Variants in COLEC12 observed in about 807,000 individuals in gnomAD.
COLEC12 encodes the protein collectin subfamily member 12, also known as collectin-12.
Under a neutral mutation model 71.1 loss-of-function variants are expected in COLEC12, and 33 were observed. The ratio of observed to expected loss-of-function variants is 0.46; its 90% confidence interval spans 0.35 to 0.62. The LOEUF (loss-of-function observed/expected upper bound fraction) is 0.62, where lower values mean the gene tolerates loss of function less well. COLEC12 is among the 20% of genes least tolerant of loss of function. The pLI is 0.00. For missense variants in COLEC12, 765 were observed against 916.1 expected, an observed-to-expected ratio of 0.84 and a Z score of 2.13; for synonymous variants, 350 against 353.0, an observed-to-expected ratio of 0.99 and a Z score of 0.10.
chr18:369,208 T>C (rs941832138), intron 2 of COLEC12, among the ~76,000 whole-genome samples: 2 of 152,074 alleles, frequency 1.3e-5, no homozygotes, highest in African/African-American at 4.8e-5. Context: ...AACTGATCCA[T>C]TGCATTTAAA....
chr18:413,003 G>T (rs998058730), intron 2 of COLEC12, among the ~76,000 whole-genome samples: 8 of 152,178 alleles, frequency 5.3e-5, no homozygotes, highest in African/African-American at 1.7e-4. Flanking sequence ...TAAAGATGGA[G>T]AACAGCATAG....
intron 8 of COLEC12, among the ~76,000 whole-genome samples, chr18:324,859 A>T (rs1184825139): frequency 2.0e-5 from 3 of 151,918 alleles, no homozygotes; most frequent in Admixed American, 2.0e-4. Flanking sequence ...AGAATATAGG[A>T]CCATAGAATG....
intron 2 of COLEC12, among the ~76,000 whole-genome samples, chr18:372,498 G>A (rs1054781474): frequency 2.0e-5 from 3 of 152,060 alleles, no homozygotes; most frequent in Non-Finnish European, 4.4e-5. Flanking sequence ...GCTCACTGCA[G>A]CCTCAAACTC....
chr18:411,941 GC>G (rs1915900261), intron 2 of COLEC12, among the ~76,000 whole-genome samples: 1 of 152,172 alleles, frequency 6.6e-6, no homozygotes, highest in African/African-American at 2.4e-5. Flanking sequence ...AGATTGAAAA[GC>G]AAATAACAGA....
At chr18:393,758 C>T (rs571188453) in intron 2 of COLEC12, among the ~76,000 whole-genome samples, 4 of 152,204 alleles carry the variant, frequency 2.6e-5, no homozygotes, top group East Asian at 1.9e-4. Flanking sequence ...ACTATATACA[C>T]GTCTGTGCCC....
At chr18:375,785 C>T (rs185138432) in intron 2 of COLEC12, among the ~76,000 whole-genome samples, 4 of 152,318 alleles carry the variant, frequency 2.6e-5, no homozygotes, top group Admixed American at 2.6e-4. Flanking sequence ...GGTTGAACTG[C>T]CCATTGTCTC....
At chr18:461,187 T>C (rs1049732615) in intron 2 of COLEC12, among the ~76,000 whole-genome samples, 10 of 152,178 alleles carry the variant, frequency 6.6e-5, no homozygotes, top group Admixed American at 5.9e-4. Flanking sequence ...TATAACAGCA[T>C]TGTCCAATAG....
At chr18:358,625 T>C (rs1281833277) in intron 2 of COLEC12, among the ~76,000 whole-genome samples, 3 of 152,120 alleles carry the variant, frequency 2.0e-5, no homozygotes, top group African/African-American at 7.2e-5. Context: ...TGGATGTAAA[T>C]ACAGATGATG....
At chr18:490,615 G>A (rs1298136131) in intron 1 of COLEC12, among the ~76,000 whole-genome samples, 1 of 152,192 alleles carries the variant, frequency 6.6e-6, no homozygotes, top group East Asian at 1.9e-4. Flanking sequence ...AAGATTATAT[G>A]AATGGAAAAG....
At chr18:468,241 G>A (rs992915487) in intron 2 of COLEC12, among the ~76,000 whole-genome samples, 1 of 136,242 alleles carries the variant, frequency 7.3e-6, no homozygotes, top group Non-Finnish European at 1.5e-5. Flanking sequence ...CAGCCTGGGC[G>A]ACAGAGTGAG....
At chr18:338,226 CTCTAA>C (rs1914162615) in intron 5 of COLEC12, among the ~76,000 whole-genome samples, 2 of 152,376 alleles carry the variant, frequency 1.3e-5, no homozygotes, top group East Asian at 3.9e-4. Flanking sequence ...TTCTCTTCTT[CTCTAA>C]TCTTTTAGTC....
At chr18:452,824 T>G (rs972469694) in intron 2 of COLEC12, among the ~76,000 whole-genome samples, 11 of 152,262 alleles carry the variant, frequency 7.2e-5, no homozygotes, top group African/African-American at 2.4e-4. Context: ...CAAGTGCCTA[T>G]GAGCTTTGGC....
rs1041467242 is a variant in COLEC12 at position 480,465 on chromosome 18, C to T, written c.58+242G>A. Among the ~76,000 whole-genome samples, 10 of 152,164 alleles carry T rather than the reference C, an allele frequency of 6.6e-5. No individual in the cohort carries two copies. Among genetic ancestry groups the T allele is most frequent in the Non-Finnish European group, 1.3e-4 (9 of 68,026 alleles). ...GGCTGTCTCTTTTCCATTCAGCAGACCCATGAACATCCCATCACTTCCCCA... is the reference window on the plus strand; with the variant it reads ...GGCTGTCTCTTTTCCATTCAGCAGATCCATGAACATCCCATCACTTCCCCA... On this transcript the variant is annotated intron_variant, in intron 2 of 9. Transcript: ENST00000400256. The surrounding 1 kb of genome is among the most constrained non-coding windows in gnomAD (Gnocchi z 4.1).
chr18:378,482 T>A (rs1915161413), intron 2 of COLEC12, among the ~76,000 whole-genome samples: 1 of 152,164 alleles, frequency 6.6e-6, no homozygotes, highest in African/African-American at 2.4e-5. Context: ...CCGATGCAAT[T>A]GGCACGGGTT....
At chr18:374,047 T>A (rs1940440) in intron 2 of COLEC12, among the ~76,000 whole-genome samples, 109,571 of 152,064 alleles carry the variant, frequency 0.72, 39,633 homozygotes, top group African/African-American at 0.8. Context: ...CACTTGGCTC[T>A]TGTGCATGTC....
intron 2 of COLEC12, among the ~76,000 whole-genome samples, chr18:368,674 C>T (rs910026819): frequency 2.6e-5 from 4 of 151,752 alleles, no homozygotes; most frequent in Non-Finnish European, 5.9e-5. Flanking sequence ...ACCAGCCTGG[C>T]TAACATGGTG....
intron 2 of COLEC12, among the ~76,000 whole-genome samples, chr18:358,665 T>C (rs188652233): frequency 2.6e-5 from 4 of 152,344 alleles, no homozygotes; most frequent in Admixed American, 2.6e-4. Context: ...GCTCACCTCC[T>C]GCTATGCAGT....
intron 2 of COLEC12, among the ~76,000 whole-genome samples, chr18:460,690 A>T (rs1426906608): frequency 6.6e-6 from 1 of 152,232 alleles, no homozygotes; most frequent in Non-Finnish European, 1.5e-5. Context: ...TCTAGAATTA[A>T]GTAATATTCA....
At chr18:475,588 G>C (rs1001735748) in intron 2 of COLEC12, among the ~76,000 whole-genome samples, 18 of 152,202 alleles carry the variant, frequency 1.2e-4, no homozygotes, top group Non-Finnish European at 2.6e-4. Flanking sequence ...GCTTCCCAAA[G>C]AGAGTTTGGC....
Sources: allele counts gnomAD v4.1 joint callset (sites outside exome capture counted in the v4.1 genomes callset), GRCh38; gene constraint gnomAD v4.1.1; non-coding constraint Gnocchi (gnomAD v3.1); transcripts MANE v1.5; gene names NCBI Gene and HGNC (gene_info 2026-07-23, HGNC 2026-07-21).